GRM1: variants seen among roughly 807,000 people sequenced by gnomAD.
GRM1 encodes the protein glutamate metabotropic receptor 1, also known as metabotropic glutamate receptor 1.
A neutral mutation model predicts 90.9 loss-of-function variants in GRM1; 33 were observed. The ratio of observed to expected loss-of-function variants is 0.36; its 90% CI spans 0.28 to 0.49. The LOEUF (loss-of-function observed/expected upper bound fraction) is 0.49. GRM1 is among the 20% of genes least tolerant of loss of function. GRM1 has a pLI of 0.99. For synonymous variants in GRM1, 700 were observed against 613.2 expected (o/e 1.14, Z -2.09); for missense variants, 1,190 against 1,534.3 (o/e 0.78, Z 3.75).
At position 146,159,317 on chromosome 6, in the gene GRM1, TCTTGAACATCTG is replaced by T; in HGVS notation, c.701-28_701-17del. Reference sequence around the variant, plus strand: ...GTAAGTAGTGTTATTGCCACAGTTGTCTTGAACATCTGCTGATTGTTTCTGGACAGGGAATTA... The same window carrying T: ...GTAAGTAGTGTTATTGCCACAGTTGTCTGATTGTTTCTGGACAGGGAATTA... On this transcript the variant is annotated intron_variant, in intron 1 of 7. Coordinates refer to ENST00000282753, the MANE Select transcript of GRM1 (RefSeq NM_001278064.2). 6.2e-7 allele frequency: 1 copy of T among 1,613,822 alleles called. No individual in the cohort carries two copies. Among genetic ancestry groups the T allele is most frequent in the East Asian group, 2.2e-5 (1 of 44,878 alleles).
chr6:146,329,511 A>G (rs1310588483), intron 3 of GRM1, among the ~76,000 whole-genome samples: 1 of 152,156 alleles, frequency 6.6e-6, no homozygotes, highest in Non-Finnish European at 1.5e-5. Flanking sequence ...GAAAGCAATG[A>G]CAAGAGTTTG....
chr6:146,029,299 G>A lies in GRM1; in HGVS notation c.-219G>A, dbSNP rs1022083388. ...CGGGGACTCGAATTCCCTTACAAAC[G>A]CCTCCAGCTTGTAGAGGCGGTCGTG... On this transcript the variant is annotated 5_prime_UTR_variant, in exon 1 of 8. Transcript: ENST00000282753. 5.4e-5 allele frequency: 32 copies of A among 590,514 alleles called. No individual in the cohort carries two copies. In the East Asian group the frequency reaches 7.2e-4, roughly 13 times the overall value. 36.6% of individuals were successfully genotyped at this position (590,514 alleles called of 1,614,324 possible).
At chr6:146,222,552 G>C (rs1780101982) in intron 2 of GRM1, among the ~76,000 whole-genome samples, 1 of 151,976 alleles carries the variant, frequency 6.6e-6, no homozygotes, top group South Asian at 2.1e-4. Flanking sequence ...GAAAGAGAGA[G>C]GAAAGGAGAG....
At chr6:146,241,722 T>C (rs1464900335) in intron 2 of GRM1, among the ~76,000 whole-genome samples, 1 of 152,196 alleles carries the variant, frequency 6.6e-6, no homozygotes, top group Non-Finnish European at 1.5e-5. Flanking sequence ...TTTTATTCTT[T>C]TATGTTATAT....
intron 2 of GRM1, among the ~76,000 whole-genome samples, chr6:146,247,912 T>G (rs1171411859): frequency 1.3e-5 from 2 of 149,542 alleles, no homozygotes; most frequent in Non-Finnish European, 3.0e-5. Flanking sequence ...TAATATAGTA[T>G]ATATAATATA....
chr6:146,171,848 G>T lies in GRM1; in HGVS notation c.950+12251G>T, dbSNP rs182095177. On this transcript the variant is annotated intron_variant, in intron 2 of 7. Coordinates refer to ENST00000282753, the MANE Select transcript of GRM1 (RefSeq NM_001278064.2). ...TCTTCTGCTTGGCATGGCATCATAAGGAGGATGACCTCATTTCTATTGTTC... is the reference window on the plus strand; with the variant it reads ...TCTTCTGCTTGGCATGGCATCATAATGAGGATGACCTCATTTCTATTGTTC... 3.6e-4 allele frequency: 93 copies of T among 256,822 alleles called. 1 individual carries two copies. In the Admixed American group the frequency reaches 3.7e-3, roughly 10 times the overall value. 15.9% of individuals were successfully genotyped at this position (256,822 alleles called of 1,614,324 possible).
At chr6:146,367,158 T>A (rs757473931) in intron 5 of GRM1, among the ~76,000 whole-genome samples, 22 of 152,168 alleles carry the variant, frequency 1.4e-4, no homozygotes, top group Non-Finnish European at 2.9e-4. Context: ...TATTAGAGAC[T>A]GTCCTTCCCC....
chr6:146,296,558 T>C (rs926058685), intron 2 of GRM1, among the ~76,000 whole-genome samples: 1 of 152,216 alleles, frequency 6.6e-6, no homozygotes, highest in Non-Finnish European at 1.5e-5. Context: ...TTAACTAACA[T>C]ATCCCCTTTC....
chr6:146,325,471 C>T (rs533872771), intron 3 of GRM1, among the ~76,000 whole-genome samples: 5 of 152,302 alleles, frequency 3.3e-5, no homozygotes, highest in African/African-American at 9.6e-5. Flanking sequence ...TTGAACACCT[C>T]AAGTCCATAT....
chr6:146,166,575 G>GGTGTC (rs1390985240), intron 2 of GRM1, among the ~76,000 whole-genome samples: 18 of 152,170 alleles, frequency 1.2e-4, no homozygotes, highest in African/African-American at 4.3e-4. Flanking sequence ...TTCCTGTGTT[G>GGTGTC]GTGTCTTCTC....
In GRM1 at chr6:146,181,435, A is replaced by G. The variant is rs148396172; in HGVS notation, c.950+21838A>G. 5.4e-3 allele frequency among the ~76,000 whole-genome samples: 818 copies of G among 152,320 alleles called. 6 individuals carry two copies. The highest frequency in any genetic ancestry group is 0.019 in the African/African-American group (785 of 41,576). The stretch of plus-strand genomic sequence containing the variant: ...GGAAGAAAACTCAAAATAACTTTCA[A>G]TCTTCAAGTGAGAAAAGAACATTTC... On this transcript the variant is annotated intron_variant, in intron 2 of 7. Coordinates refer to ENST00000282753, the MANE Select transcript of GRM1 (RefSeq NM_001278064.2).
intron 2 of GRM1, among the ~76,000 whole-genome samples, chr6:146,186,566 G>A (rs1033088247): frequency 6.6e-6 from 1 of 152,060 alleles, no homozygotes; most frequent in South Asian, 2.1e-4. Context: ...CTGGGTACAT[G>A]ATCTGTTTAC....
In GRM1 at chr6:146,099,777, C is replaced by T. The variant is rs985749044; in HGVS notation, c.701-59571C>T. Among the ~76,000 whole-genome samples the T allele has an allele frequency of 3.3e-5, 5 of 152,098 alleles. 1 individual carries two copies. The highest frequency in any genetic ancestry group is 5.9e-5 in the Non-Finnish European group (4 of 68,022). ...ATACAGTGTCCTTTAAATGAATATA[C>T]CACAGTTTATTTATCCATTCTACTT... On this transcript the variant is annotated intron_variant, in intron 1 of 7. Coordinates refer to ENST00000282753, the MANE Select transcript of GRM1 (RefSeq NM_001278064.2).
At chr6:146,101,242 C>A (rs995831672) in intron 1 of GRM1, among the ~76,000 whole-genome samples, 1 of 152,242 alleles carries the variant, frequency 6.6e-6, no homozygotes, top group African/African-American at 2.4e-5. Flanking sequence ...CCTTGTTGGA[C>A]TTTTACCGAG....
chr6:146,034,833 C>T (rs191378911), intron 1 of GRM1, among the ~76,000 whole-genome samples: 314 of 152,008 alleles, frequency 2.1e-3, no homozygotes, highest in Admixed American at 5.4e-3. Flanking sequence ...AATGAAAAGT[C>T]ATCACAACAG....
chr6:146,396,637 G>A (rs1284167186), intron 6 of GRM1, among the ~76,000 whole-genome samples: 7 of 151,672 alleles, frequency 4.6e-5, no homozygotes, highest in Admixed American at 2.6e-4. Flanking sequence ...GGTTCAAAAC[G>A]AAACAAACAC....
chr6:146,382,505 A>T (rs545096728), intron 5 of GRM1, among the ~76,000 whole-genome samples: 119 of 152,228 alleles, frequency 7.8e-4, no homozygotes, highest in Middle Eastern at 3.4e-3. Context: ...AAAGCATGTG[A>T]CTTTTGTGTC....
intron 1 of GRM1, among the ~76,000 whole-genome samples, chr6:146,100,990 G>A (rs1777032178): frequency 6.6e-6 from 1 of 152,118 alleles, no homozygotes; most frequent in African/African-American, 2.4e-5. Context: ...GTACACAGGG[G>A]GCTGAGGTGG....
intron 2 of GRM1, among the ~76,000 whole-genome samples, chr6:146,264,882 C>A (rs1781824112): frequency 6.6e-6 from 1 of 152,130 alleles, no homozygotes; most frequent in African/African-American, 2.4e-5. Context: ...TTTTTTATGG[C>A]TGCATAATAT....
Sources: allele counts gnomAD v4.1 joint callset (sites outside exome capture counted in the v4.1 genomes callset), GRCh38; gene constraint gnomAD v4.1.1; transcripts MANE v1.5; gene names NCBI Gene and HGNC (gene_info 2026-07-23, HGNC 2026-07-21).